COL7A1: variants seen among roughly 807,000 people sequenced by gnomAD.
COL7A1 encodes collagen type VII alpha 1 chain, also known as collagen alpha-1(VII) chain.
In COL7A1, 296 loss-of-function variants were observed where a neutral mutation model predicts 456.2. That is an observed-to-expected ratio of 0.65 (90% CI 0.59 to 0.71). The LOEUF (loss-of-function observed/expected upper bound fraction) is 0.71. Among genes scored for constraint, COL7A1 ranks in the 30% least tolerant of loss-of-function variants. The pLI is 0.00. For missense variants in COL7A1, 3,441 were observed against 4,017.2 expected (o/e 0.86, Z 3.88); for synonymous variants, 1,464 against 1,525.9 (o/e 0.96, Z 0.95).
Position 48,579,030 on chromosome 3 carries a change from A to C in COL7A1, c.5389-76T>G. On this transcript the variant is annotated intron_variant, in intron 62 of 118. Coordinates refer to ENST00000681320, the MANE Select transcript of COL7A1 (RefSeq NM_000094.4). This position sits in a 1 kb window ranked among gnomAD's most constrained non-coding sequence, Gnocchi z 4.4. ...TAGTCCCTGTGAGCCTAAGGCCTGC[A>C]TGGCAAGAACATGCCCCACCCAGGC... The C allele has an allele frequency of 6.3e-7, 1 of 1,597,848 alleles. No individual in the cohort carries two copies. Among genetic ancestry groups the C allele is most frequent in the Non-Finnish European group, 8.6e-7 (1 of 1,165,922 alleles).
In COL7A1 at chr3:48,574,769, T is replaced by C; in HGVS notation, c.6348+28A>G. On this transcript the variant is annotated intron_variant, in intron 77 of 118. Coordinates refer to ENST00000681320, the MANE Select transcript of COL7A1 (RefSeq NM_000094.4). The surrounding 1 kb of genome is among the most constrained non-coding windows in gnomAD (Gnocchi z 5.0). Reference sequence around the variant, plus strand: ...CAGTCCCTAGTGCCATGGCAGAGGGTGGCCCCGAGCTGATTCCACACACTG... The same window carrying C: ...CAGTCCCTAGTGCCATGGCAGAGGGCGGCCCCGAGCTGATTCCACACACTG... 1.2e-6 allele frequency: 2 copies of C among 1,613,852 alleles called. No homozygotes were observed. The highest frequency in any genetic ancestry group is 1.3e-5 in the African/African-American group (1 of 74,980).
At position 48,568,823 on chromosome 3, in the gene COL7A1, T is replaced by C; in HGVS notation, c.7719A>G (p.Ser2573=). ...GSKGEPGDKG[S]AGLPGLRGLL... is the part of the protein sequence containing the mutation. ...GTCCACGCAGTCCTGGCAACCCGGC[T>C]GAGCCCTTGTCACCAGGCTCTCCCT... Residue 2573 remains serine (S), a synonymous_variant, in exon 104 of 119, where the codon TCA becomes TCG. Coordinates refer to ENST00000681320, the MANE Select transcript of COL7A1 (RefSeq NM_000094.4). The surrounding 1 kb of genome is among the most constrained non-coding windows in gnomAD (Gnocchi z 5.2). The C allele has an allele frequency of 6.3e-7, 1 of 1,576,936 alleles. No individual in the cohort carries two copies. Among genetic ancestry groups the C allele is most frequent in the Admixed American group, 1.8e-5 (1 of 54,860 alleles).
At position 48,584,509 on chromosome 3, in the gene COL7A1, C is replaced by T. The variant is rs1326680697; in HGVS notation, c.4095G>A (p.Gly1365=). ...CCGATGGTCCAGGGTCCCCTTTCCG[C>T]CCAGGAAGCCCAGGTCCTTCACCTC... is the stretch of plus-strand genomic sequence containing the variant. ...VIGGEGPGLP[G]RKGDPGPSGP... The change falls in exon 36 of 119, where the codon GGG becomes GGA. Residue 1365 remains glycine (G), a synonymous_variant. Transcript: ENST00000681320. 5.0e-6 allele frequency: 8 copies of T among 1,614,118 alleles called. No individual in the cohort carries two copies. The highest frequency in any genetic ancestry group is 6.8e-6 in the Non-Finnish European group (8 of 1,179,998).
Position 48,578,491 on chromosome 3 carries a change from G to C in COL7A1, c.5449C>G (p.Gln1817Glu). The C allele has an allele frequency of 1.2e-6, 2 of 1,612,588 alleles. No individual in the cohort carries two copies. The highest frequency in any genetic ancestry group is 1.7e-6 in the Non-Finnish European group (2 of 1,179,970). The change falls in exon 64 of 119, where the codon CAG (glutamine) becomes GAG (glutamate). Residue 1817 changes from glutamine to glutamate, a missense_variant. Gln to Glu is a conservative substitution (Grantham distance 29, BLOSUM62 2). This residue lies in a region of COL7A1 where 2,084 missense variants were observed against 2,501.3 expected (regional missense o/e 0.83). Coordinates refer to ENST00000681320, the MANE Select transcript of COL7A1 (RefSeq NM_000094.4). This position sits in a 1 kb window ranked among gnomAD's most constrained non-coding sequence, Gnocchi z 4.7. ...GGACCAGAGGGGCCAGGGAGGCCCT[G>C]TTCTCCACGGAGGCCTGGAAGCCCC... ...RDGLPGLRGE[Q>E]GLPGPSGPPG...
chr3:48,583,742 G>T lies in COL7A1; in HGVS notation c.4317C>A (p.Gly1439=), dbSNP rs753377409. The T allele has an allele frequency of 6.2e-7, 1 of 1,613,972 alleles. No individual in the cohort carries two copies. Among genetic ancestry groups the T allele is most frequent in the Non-Finnish European group, 8.5e-7 (1 of 1,179,978 alleles). Residue 1439 remains glycine (G), a synonymous_variant, in exon 40 of 119, where the codon GGC becomes GGA. Coordinates refer to ENST00000681320, the MANE Select transcript of COL7A1 (RefSeq NM_000094.4). The surrounding 1 kb of genome is among the most constrained non-coding windows in gnomAD (Gnocchi z 5.1). The part of the protein sequence containing the change: ...PGSPGPQGPV[G]PPGKKGEKGD... ...CTTTTTCTCCTTTCTTTCCAGGGGG[G>T]CCAACGGGGCCTTGGGGTCCAGGGC... is the stretch of plus-strand genomic sequence containing the variant.
In COL7A1 at chr3:48,574,077, CCACACACAGACACAGGCACACACAGG is replaced by C. The variant is rs1479432729; in HGVS notation, c.6501+159_6501+184del. Among the ~76,000 whole-genome samples the C allele has an allele frequency of 1.2e-4, 19 of 152,034 alleles. No homozygotes were observed. The highest frequency in any genetic ancestry group is 1.2e-3 in the South Asian group (6 of 4,804). On this transcript the variant is annotated intron_variant, in intron 80 of 118. Transcript: ENST00000681320. This position sits in a 1 kb window ranked among gnomAD's most constrained non-coding sequence, Gnocchi z 5.0. ...CCTGCACACACACATCCACATACAA[CCACACACAGACACAGGCACACACAGG>C]CACACACAGACACAGGCACACACAA... is the stretch of plus-strand genomic sequence containing the variant.
At position 48,567,946 on chromosome 3, in the gene COL7A1, C is replaced by G; in HGVS notation, c.7876-55G>C. ...TTCCCAGACACCTCACTCTGTGACCCCCTTCACCCTGAAACTAACTCTCCA... is the reference window on the plus strand; with the variant it reads ...TTCCCAGACACCTCACTCTGTGACCGCCTTCACCCTGAAACTAACTCTCCA... On this transcript the variant is annotated intron_variant, in intron 106 of 118. Coordinates refer to ENST00000681320, the MANE Select transcript of COL7A1 (RefSeq NM_000094.4). This position sits in a 1 kb window ranked among gnomAD's most constrained non-coding sequence, Gnocchi z 4.3. The G allele has an allele frequency of 6.2e-7, 1 of 1,610,284 alleles. No individual in the cohort carries two copies. The highest frequency in any genetic ancestry group is 8.5e-7 in the Non-Finnish European group (1 of 1,176,808).
rs375167326 is a variant in COL7A1, at chr3:48,590,413, C to A, written c.1906+46G>T. ...CTGCCTGTCCCCTCTGGCACCCATA[C>A]CCTCATTGGTCCCTTTGGCAGTCCC... On this transcript the variant is annotated intron_variant, in intron 15 of 118. Transcript: ENST00000681320. This position sits in a 1 kb window ranked among gnomAD's most constrained non-coding sequence, Gnocchi z 4.6. The A allele has an allele frequency of 6.2e-5, 100 of 1,613,120 alleles. No homozygotes were observed. The African/African-American group carries it at 1.1e-3, about 18-fold the overall frequency.
rs777411718 is a variant in COL7A1 at position 48,579,523 on chromosome 3, TA to T, written c.5236-9del. 2.5e-6 allele frequency: 4 copies of T among 1,613,760 alleles called. No individual in the cohort carries two copies. The highest frequency in any genetic ancestry group is 3.3e-5 in the Admixed American group (2 of 59,988). ...CCGAAACCCTTCAATGCCCTGAGGA[TA>T]GGGGAGGAAGAAATCAGAGCAGGCC... On this transcript the variant is annotated splice_polypyrimidine_tract_variant and intron_variant, in intron 59 of 118. Transcript: ENST00000681320. The surrounding 1 kb of genome is among the most constrained non-coding windows in gnomAD (Gnocchi z 4.4).
rs1283925267 is a variant in COL7A1 at position 48,572,508 on chromosome 3, C to T, written c.6931G>A (p.Glu2311Lys). Residue 2311 changes from glutamate (E) to lysine (K), a missense_variant, in exon 89 of 119, where the codon GAG (glutamate) becomes AAG (lysine). Coordinates refer to ENST00000681320, the MANE Select transcript of COL7A1 (RefSeq NM_000094.4). This position sits in a 1 kb window ranked among gnomAD's most constrained non-coding sequence, Gnocchi z 4.6. Reference protein sequence around the residue: ...AVVGLPGAKGEKGAPGGLAGD... With the variant: ...AVVGLPGAKGKKGAPGGLAGD... The stretch of plus-strand genomic sequence containing the variant: ...GCAGCCCCACACACACTCACCTTCT[C>T]TCCCTTTGCTCCAGGGAGCCCGACC... 1.2e-6 allele frequency: 2 copies of T among 1,614,004 alleles called. No individual in the cohort carries two copies. Among genetic ancestry groups the T allele is most frequent in the Admixed American group, 1.7e-5 (1 of 60,012 alleles).
intron 16 of COL7A1, among the ~76,000 whole-genome samples, chr3:48,589,970 T>C (rs979034002): frequency 1.3e-5 from 2 of 151,196 alleles, no homozygotes; most frequent in South Asian, 4.2e-4. Context: ...GTTGAAGTGG[T>C]GGATATTTGA....
At position 48,590,309 on chromosome 3, in the gene COL7A1, T is replaced by G. The variant is rs754253382; in HGVS notation, c.1954A>C (p.Ile652Leu). 10 of 1,614,048 alleles carry G rather than the reference T, an allele frequency of 6.2e-6. No homozygotes were observed. Among genetic ancestry groups the G allele is most frequent in the Non-Finnish European group, 1.7e-6 (2 of 1,179,990 alleles). ...TLPPDSTATD[I>L]TGLQPGTTYQ... The stretch of plus-strand genomic sequence containing the variant: ...GTGGTTCCAGGCTGCAGCCCTGTGA[T>G]GTCTGTGGCAGTAGAGTCTGGGGGC... The change falls in exon 16 of 119, where the codon ATC becomes CTC. Residue 652 changes from isoleucine to leucine, a missense_variant. Ile to Leu is a conservative substitution (Grantham distance 5). Coordinates refer to ENST00000681320, the MANE Select transcript of COL7A1 (RefSeq NM_000094.4). The surrounding 1 kb of genome is among the most constrained non-coding windows in gnomAD (Gnocchi z 4.6).
chr3:48,575,094 G>A lies in COL7A1; in HGVS notation c.6249C>T (p.Thr2083=). Residue 2083 remains threonine, a synonymous_variant, in exon 76 of 119, where the codon ACC becomes ACT. Coordinates refer to ENST00000681320, the MANE Select transcript of COL7A1 (RefSeq NM_000094.4). This position sits in a 1 kb window ranked among gnomAD's most constrained non-coding sequence, Gnocchi z 6.3. ...GRDGPPGLPG[T]PGPPGPPGPK... is the part of the protein sequence containing the mutation. ...GGCCAGGGGGTCCGGGGGGCCCAGG[G>A]GTTCCAGGGAGTCCAGGAGGGCCAT... The A allele has an allele frequency of 6.2e-7, 1 of 1,613,138 alleles. No homozygotes were observed. Among genetic ancestry groups the A allele is most frequent in the Non-Finnish European group, 8.5e-7 (1 of 1,179,582 alleles).
At position 48,578,566 on chromosome 3, in the gene COL7A1, G is replaced by A. The variant is rs1370112482; in HGVS notation, c.5425-51C>T. The A allele has an allele frequency of 6.3e-7, 1 of 1,594,716 alleles. No homozygotes were observed. Among genetic ancestry groups the A allele is most frequent in the Non-Finnish European group, 8.6e-7 (1 of 1,165,834 alleles). On this transcript the variant is annotated intron_variant, in intron 63 of 118. Transcript: ENST00000681320. The surrounding 1 kb of genome is among the most constrained non-coding windows in gnomAD (Gnocchi z 4.7). ...ATAGGGCCTCTGAGATATCCCTTGG[G>A]GCACACCCCATGGACTAAGAGGACC...
Position 48,591,374 on chromosome 3 carries a change from G to A in COL7A1, c.1636+90C>T. ...CAGGGAGGAGACTATAGGGACCCAG[G>A]TGTGGAAGGAGAGGGCTGGAGGTAC... On this transcript the variant is annotated intron_variant, in intron 13 of 118. Coordinates refer to ENST00000681320, the MANE Select transcript of COL7A1 (RefSeq NM_000094.4). This position sits in a 1 kb window ranked among gnomAD's most constrained non-coding sequence, Gnocchi z 7.0. 6.5e-7 allele frequency: 1 copy of A among 1,541,206 alleles called. No homozygotes were observed. The highest frequency in any genetic ancestry group is 1.2e-5 in the South Asian group (1 of 85,122).
At chr3:48,584,408 C>A in intron 36 of COL7A1, 33 bp from the exon 37 acceptor site, 1 of 1,613,506 alleles carries the variant, frequency 6.2e-7, no homozygotes, top group Non-Finnish European at 8.5e-7. Flanking sequence ...AGGTGCAACC[C>A]CACAGACCTC....
At position 48,565,299 on chromosome 3, in the gene COL7A1, TGTGCCCTGCATGCAGACCCTAC is replaced by T. The variant is rs2043552669; in HGVS notation, c.8527+89_8528-99del. The T allele has an allele frequency of 1.0e-5, 15 of 1,492,084 alleles. No individual in the cohort carries two copies. Among genetic ancestry groups the T allele is most frequent in the Admixed American group, 1.9e-5 (1 of 52,746 alleles). The allele number at this position is 1,492,084 out of a possible 1,614,324, so 92.4% of individuals were successfully genotyped here. On this transcript the variant is annotated intron_variant, in intron 116 of 118. Coordinates refer to ENST00000681320, the MANE Select transcript of COL7A1 (RefSeq NM_000094.4). This position sits in a 1 kb window ranked among gnomAD's most constrained non-coding sequence, Gnocchi z 4.5. ...ACTGTGTGCACACAGTGCCCATGCG[TGTGCCCTGCATGCAGACCCTAC>T]GTGCTTGGCGTGTGCCCTGCATTCA...
chr3:48,579,723 G>T lies in COL7A1; in HGVS notation c.5155-55C>A. ...AGCCTTGAAGCCAAGCCATGCCCAA[G>T]GTAGAACCTGCTGGGAGGGGCACTG... On this transcript the variant is annotated intron_variant, in intron 58 of 118. Transcript: ENST00000681320. The surrounding 1 kb of genome is among the most constrained non-coding windows in gnomAD (Gnocchi z 4.4). 6.2e-7 allele frequency: 1 copy of T among 1,613,844 alleles called. No homozygotes were observed. Among genetic ancestry groups the T allele is most frequent in the Non-Finnish European group, 8.5e-7 (1 of 1,179,976 alleles).
rs1328462968 is a variant in COL7A1, at chr3:48,588,192, G to A, written c.2710+90C>T. 23 of 1,593,798 alleles carry A rather than the reference G, an allele frequency of 1.4e-5. No individual in the cohort carries two copies. In the South Asian group the frequency reaches 2.0e-4, roughly 14 times the overall value. ...CCGCAGACCCCCAGTGACAGACCCC[G>A]CCCACCATCACTGTCCTCGCCTACC... On this transcript the variant is annotated intron_variant, in intron 21 of 118. Coordinates refer to ENST00000681320, the MANE Select transcript of COL7A1 (RefSeq NM_000094.4). The surrounding 1 kb of genome is among the most constrained non-coding windows in gnomAD (Gnocchi z 4.6).
Sources: gnomAD v4.1 joint callset for allele counts (sites outside exome capture counted in the v4.1 genomes callset) on GRCh38, gnomAD v4.1.1 for gene constraint, gnomAD v4.1.1 regional missense constraint, Gnocchi (gnomAD v3.1) non-coding constraint, MANE v1.5 for transcripts, NCBI Gene and HGNC (gene_info 2026-07-23, HGNC 2026-07-21) for gene names.